RETREG3: variants seen among roughly 807,000 people sequenced by gnomAD.
The protein encoded by RETREG3 is reticulophagy regulator family member 3.
RETREG3 carries 23 observed loss-of-function variants against 50.2 expected under a neutral mutation model. The observed-to-expected ratio is 0.46, with a 90% CI of 0.33 to 0.65. RETREG3 has a LOEUF of 0.65. Ranked by LOEUF, RETREG3 falls within the 30% of genes least tolerant of loss-of-function variation. RETREG3 has a pLI of 0.02. For synonymous variants in RETREG3, 240 were observed against 234.4 expected (o/e 1.02, Z -0.22); for missense variants, 546 against 598.0 (o/e 0.91, Z 0.91).
At chr17:42,594,581 C>T (rs2093139971) in intron 1 of RETREG3, among the ~76,000 whole-genome samples, 2 of 151,612 alleles carry the variant, frequency 1.3e-5, no homozygotes, top group Non-Finnish European at 1.5e-5. Flanking sequence ...CGGTGGCTCA[C>T]GCCTGTAATC....
rs10537185 is a variant in RETREG3, at chr17:42,593,647, CA to C, written c.240-1486del. On this transcript the variant is annotated intron_variant, in intron 1 of 8. Coordinates refer to ENST00000309428, the MANE Select transcript of RETREG3 (RefSeq NM_178126.4). Reference sequence around the variant, plus strand: ...TGGGCGACAGAGCAAGACTCCGTCTCAAAAAAAAAAAAAAAAAAAAAAATTG... The same window carrying C: ...TGGGCGACAGAGCAAGACTCCGTCTCAAAAAAAAAAAAAAAAAAAAAATTG... Among the ~76,000 whole-genome samples, 298 of 86,288 alleles carry C rather than the reference CA, an allele frequency of 3.5e-3. 1 individual carries two copies. The highest frequency in any genetic ancestry group is 6.1e-3 in the East Asian group (13 of 2,138). 56.6% of individuals were successfully genotyped at this position (86,288 alleles called of 152,430 possible).
At chr17:42,587,164 T>A (rs1205401818) in intron 3 of RETREG3, among the ~76,000 whole-genome samples, 1 of 152,232 alleles carries the variant, frequency 6.6e-6, no homozygotes, top group Non-Finnish European at 1.5e-5. Flanking sequence ...AGGCCCTTTG[T>A]GCTTAGAAAC....
rs559067460 is a variant in RETREG3 at position 42,601,003 on chromosome 17, C to A, written c.239+8083G>T. Among the ~76,000 whole-genome samples the A allele has an allele frequency of 2.6e-5, 4 of 152,236 alleles. No homozygotes were observed. In the South Asian group the frequency reaches 8.3e-4, roughly 32 times the overall value. ...AAAAAAACAATGAATGGGCCAGGCG[C>A]AGTGGCTCAAACCTGTAATTCCAGC... On this transcript the variant is annotated intron_variant, in intron 1 of 8. Transcript: ENST00000309428.
At chr17:42,601,368 C>T (rs1365426698) in intron 1 of RETREG3, among the ~76,000 whole-genome samples, 5 of 151,508 alleles carry the variant, frequency 3.3e-5, no homozygotes, top group Admixed American at 1.3e-4. Flanking sequence ...ATCAGGAGAT[C>T]GAGACCATCC....
At chr17:42,587,501 A>G (rs2093123633) in intron 3 of RETREG3, among the ~76,000 whole-genome samples, 1 of 152,250 alleles carries the variant, frequency 6.6e-6, no homozygotes, top group South Asian at 2.1e-4. Context: ...AAAACACTAA[A>G]TGACCTGGTA....
In RETREG3 at chr17:42,582,192, G is replaced by T; in HGVS notation, c.1022C>A (p.Ala341Asp). ...AGTGTCGTCCTCATCATCCAGGCCA[G>T]CAGGATCCATATTAATGGAAGGGAA... ...PDFPSINMDP[A>D]GLDDEDDTSI... Residue 341 changes from alanine (A) to aspartate (D), a missense_variant, in exon 9 of 9, where the codon GCT becomes GAT. Transcript: ENST00000309428. 1 of 1,613,856 alleles carries T rather than the reference G, an allele frequency of 6.2e-7. No individual in the cohort carries two copies. The highest frequency in any genetic ancestry group is 1.7e-5 in the Admixed American group (1 of 60,014).
rs746303298 is a variant in RETREG3, at chr17:42,609,310, T to C, written c.15A>G (p.Glu5=). 6.3e-7 allele frequency: 1 copy of C among 1,599,950 alleles called. No individual in the cohort carries two copies. The highest frequency in any genetic ancestry group is 8.5e-7 in the Non-Finnish European group (1 of 1,179,152). The change falls in exon 1 of 9, where the codon GAA becomes GAG. Residue 5 remains glutamate (E), a synonymous_variant. Coordinates refer to ENST00000309428, the MANE Select transcript of RETREG3 (RefSeq NM_178126.4). ...CCGGGCCTGGGGTCGTGGGAACCCCTTCGGCCTCAGCCATCTCCCCGCGGC... is the reference window on the plus strand; with the variant it reads ...CCGGGCCTGGGGTCGTGGGAACCCCCTCGGCCTCAGCCATCTCCCCGCGGC... MAEA[E]GVPTTPGPAS... is the part of the protein sequence containing the mutation.
In RETREG3 at chr17:42,586,088, C is replaced by T. The variant is rs757460358; in HGVS notation, c.554G>A (p.Arg185His). The T allele has an allele frequency of 8.1e-6, 13 of 1,613,984 alleles. No homozygotes were observed. Among genetic ancestry groups the T allele is most frequent in the South Asian group, 2.2e-5 (2 of 91,072 alleles). ...GILTFLAVLG[R>H]YVPGLLLSYL... ...GGACAGCAGAAGCCCAGGGACGTAG[C>T]GGCCCAAGACAGCCAAAAAGGTCAG... Residue 185 changes from arginine (R) to histidine (H), a missense_variant, in exon 5 of 9, where the codon CGC becomes CAC. Arg to His is a conservative substitution (Grantham distance 29). Coordinates refer to ENST00000309428, the MANE Select transcript of RETREG3 (RefSeq NM_178126.4).
Position 42,581,781 on chromosome 17 carries a change from A to T in RETREG3, c.*32T>A. 1 of 1,524,892 alleles carries T rather than the reference A, an allele frequency of 6.6e-7. No homozygotes were observed. Among genetic ancestry groups the T allele is most frequent in the Non-Finnish European group, 8.8e-7 (1 of 1,136,644 alleles). The allele number at this position is 1,524,892 out of a possible 1,614,324, so 94.5% of individuals were successfully genotyped here. Reference sequence around the variant, plus strand: ...AGTGGGATGGGGAGAAAAAAACCTAAACCACAGTGACTCCCAAAAGGAGTC... The same window carrying T: ...AGTGGGATGGGGAGAAAAAAACCTATACCACAGTGACTCCCAAAAGGAGTC... On this transcript the variant is annotated 3_prime_UTR_variant, in exon 9 of 9. Transcript: ENST00000309428.
intron 1 of RETREG3, among the ~76,000 whole-genome samples, chr17:42,607,575 C>G (rs1213171343): frequency 1.3e-5 from 2 of 148,238 alleles, no homozygotes; most frequent in Non-Finnish European, 3.0e-5. Context: ...GAGGCCGAGG[C>G]AGGCAGATCA....
At chr17:42,594,337 C>A (rs1173894043) in intron 1 of RETREG3, among the ~76,000 whole-genome samples, 1 of 152,164 alleles carries the variant, frequency 6.6e-6, no homozygotes, top group African/African-American at 2.4e-5. Context: ...GGGCAGATCA[C>A]CTGAGGTTAG....
chr17:42,590,738 G>A (rs930136865), intron 2 of RETREG3, among the ~76,000 whole-genome samples: 5 of 152,078 alleles, frequency 3.3e-5, no homozygotes, highest in Non-Finnish European at 5.9e-5. Flanking sequence ...AGGCCTAGGC[G>A]GGTGGATCAC....
At chr17:42,598,282 C>T (rs2143413674) in intron 1 of RETREG3, among the ~76,000 whole-genome samples, 1 of 152,020 alleles carries the variant, frequency 6.6e-6, no homozygotes, top group East Asian at 1.9e-4. Context: ...CACCCGGCCT[C>T]TTCCTCTGAA....
intron 1 of RETREG3, among the ~76,000 whole-genome samples, chr17:42,602,566 G>C (rs2093160630): frequency 6.6e-6 from 1 of 152,114 alleles, no homozygotes; most frequent in Non-Finnish European, 1.5e-5. Flanking sequence ...CAAACTACTT[G>C]CTAGAAAGGC....
intron 8 of RETREG3, 135 bp from the exon 9 acceptor site, chr17:42,582,405 T>C (rs1055107272): frequency 8.1e-5 from 73 of 901,474 alleles, no homozygotes; most frequent in Non-Finnish European, 1.2e-4. Context: ...ACCTTTCCCC[T>C]CCACTTATAG....
Position 42,580,013 on chromosome 17 carries a change from A to G in RETREG3, c.*1800T>C, listed in dbSNP as rs1286518023. 6.5e-6 allele frequency: 1 copy of G among 152,880 alleles called. No homozygotes were observed. Among genetic ancestry groups the G allele is most frequent in the Non-Finnish European group, 1.5e-5 (1 of 68,120 alleles). The allele number at this position is 152,880 out of a possible 1,614,324, so 9.5% of individuals were successfully genotyped here. A position where few individuals can be genotyped will look rare whatever the true frequency, so the allele number is the denominator to read the frequency against. ...GGGGGAGTGGCCCCTGAGGATCAGC[A>G]AAGGGTTAATGCAGAAGGAAAGAGG... On this transcript the variant is annotated 3_prime_UTR_variant, in exon 9 of 9. Transcript: ENST00000309428.
At position 42,586,353 on chromosome 17, in the gene RETREG3, C is replaced by T. The variant is rs1208622147; in HGVS notation, c.505-216G>A. On this transcript the variant is annotated intron_variant, in intron 4 of 8. Transcript: ENST00000309428. ...ACATGGCTAACCCCATAGGGCTGCA[C>T]CTTTCCTGCCAAGAAATTGGTTTGA... 3.4e-5 allele frequency: 18 copies of T among 522,764 alleles called. No homozygotes were observed. In the East Asian group the frequency reaches 5.5e-4, roughly 16 times the overall value. 32.4% of individuals were successfully genotyped at this position (522,764 alleles called of 1,614,324 possible). A position where few individuals can be genotyped will look rare whatever the true frequency, so the allele number is the denominator to read the frequency against.
chr17:42,583,896 C>T (rs780647839), intron 6 of RETREG3, among the ~76,000 whole-genome samples: 6 of 152,186 alleles, frequency 3.9e-5, no homozygotes, highest in Non-Finnish European at 5.9e-5. Context: ...CAACCTCTGC[C>T]TCTTGGATTC....
chr17:42,582,879 A>T, intron 7 of RETREG3, 73 bp from the exon 8 acceptor site: 2 of 1,582,318 alleles, frequency 1.3e-6, no homozygotes, highest in Non-Finnish European at 1.7e-6. Flanking sequence ...CAGCTTTACT[A>T]ATCAGCTAGC....
Sources: gnomAD v4.1 joint callset for allele counts (sites outside exome capture counted in the v4.1 genomes callset) on GRCh38, gnomAD v4.1.1 for gene constraint, MANE v1.5 for transcripts, NCBI Gene and HGNC (gene_info 2026-07-23, HGNC 2026-07-21) for gene names.